Variants in HIP1R observed in about 807,000 individuals in gnomAD.
HIP1R encodes huntingtin-interacting protein 1-related protein.
A neutral mutation model predicts 144.2 loss-of-function variants in HIP1R; 135 were observed. The observed-to-expected ratio is 0.94, with a 90% CI of 0.81 to 1.08. The LOEUF (loss-of-function observed/expected upper bound fraction) is 1.08, where lower values mean the gene tolerates loss of function less well. Ranked by LOEUF, HIP1R falls within the 50% of genes least tolerant of loss-of-function variation. HIP1R has a pLI of 0.00. For missense variants in HIP1R, 1,462 were observed against 1,432.8 expected, an observed-to-expected ratio of 1.02 and a Z score of -0.33; for synonymous variants, 698 against 612.8, an observed-to-expected ratio of 1.14 and a Z score of -2.05.
At chr12:122,854,799 G>A (rs2033512436) in intron 8 of HIP1R, 106 bp from the exon 9 acceptor site, 3 of 1,240,684 alleles carry the variant, frequency 2.4e-6, no homozygotes, top group Non-Finnish European at 3.5e-6. Flanking sequence ...CCGGTCTCAG[G>A]TGATCTCTGA....
At chr12:122,856,887 C>T (rs1470394507) in intron 17 of HIP1R, 134 bp from the exon 18 acceptor site, 14 of 1,021,814 alleles carry the variant, frequency 1.4e-5, no homozygotes, top group Admixed American at 4.3e-5. Flanking sequence ...CAGGACCTAC[C>T]GCTGGTCCTC....
chr12:122,836,118 C>T lies in HIP1R; in HGVS notation c.93+475C>T, dbSNP rs995497150. 6.6e-6 allele frequency among the ~76,000 whole-genome samples: 1 copy of T among 152,106 alleles called. No homozygotes were observed. The highest frequency in any genetic ancestry group is 2.4e-5 in the African/African-American group (1 of 41,436). ...GCCGCTCCTTGCCGGCTCCTGCCCC[C>T]GTCTCCTACCCCCTGAAACCGATGC... On this transcript the variant is annotated intron_variant, in intron 1 of 31. Coordinates refer to ENST00000253083, the MANE Select transcript of HIP1R (RefSeq NM_003959.3). This position sits in a 1 kb window ranked among gnomAD's most constrained non-coding sequence, Gnocchi z 4.1.
intron 1 of HIP1R, among the ~76,000 whole-genome samples, chr12:122,844,196 T>G (rs1262974642): frequency 6.6e-6 from 1 of 152,146 alleles, no homozygotes; most frequent in Non-Finnish European, 1.5e-5. Flanking sequence ...TGCAGTGCAG[T>G]GGTGCTATCA....
chr12:122,835,356 G>A (rs1444574451), upstream of HIP1R: 1 of 1,013,238 alleles, frequency 9.9e-7, no homozygotes, highest in Non-Finnish European at 1.2e-6. Flanking sequence ...GCGTTTGCGG[G>A]CGCGGGGGGC....
At chr12:122,839,972 G>A (rs954634293) in intron 1 of HIP1R, among the ~76,000 whole-genome samples, 1 of 152,322 alleles carries the variant, frequency 6.6e-6, no homozygotes. Flanking sequence ...CAACATTTAC[G>A]TGTATAGGAG....
At chr12:122,844,676 G>A (rs1181236504) in intron 1 of HIP1R, among the ~76,000 whole-genome samples, 1 of 152,242 alleles carries the variant, frequency 6.6e-6, no homozygotes, top group Admixed American at 6.5e-5. Flanking sequence ...TGGGTGCTGA[G>A]TAGCGGACAG....
intron 23 of HIP1R, 41 bp downstream of exon 23, chr12:122,859,577 C>T (rs868350514): frequency 6.6e-7 from 1 of 1,525,086 alleles, no homozygotes; most frequent in Non-Finnish European, 9.0e-7. Context: ...TCCTGTGGAG[C>T]TTTGGGGGCC....
chr12:122,835,149 G>A (rs1298566170), upstream of HIP1R: 2 of 570,456 alleles, frequency 3.5e-6, no homozygotes, highest in African/African-American at 2.2e-5. Flanking sequence ...GAGGAGCTGG[G>A]GGGGCGTTTG....
intron 1 of HIP1R, among the ~76,000 whole-genome samples, chr12:122,847,224 G>A (rs1281632413): frequency 6.6e-6 from 1 of 151,644 alleles, no homozygotes; most frequent in African/African-American, 2.4e-5. Flanking sequence ...GGGTTGTAGT[G>A]ATGGTACCGC....
At chr12:122,846,106 C>T (rs958351448) in intron 1 of HIP1R, among the ~76,000 whole-genome samples, 1 of 152,226 alleles carries the variant, frequency 6.6e-6, no homozygotes, top group Non-Finnish European at 1.5e-5. Context: ...TGGGGTTACA[C>T]ACCCCGGAGA....
intron 1 of HIP1R, 115 bp from the exon 2 acceptor site, chr12:122,847,916 C>T: frequency 1.1e-6 from 1 of 887,636 alleles, no homozygotes; most frequent in Non-Finnish European, 1.7e-6. Context: ...CCCATCGCTC[C>T]ACTGGCCTTG....
intron 20 of HIP1R, among the ~76,000 whole-genome samples, 193 bp from the exon 21 acceptor site, chr12:122,858,645 C>T (rs1307704459): frequency 2.0e-5 from 3 of 152,214 alleles, no homozygotes; most frequent in East Asian, 1.9e-4. Flanking sequence ...CATATGTCTG[C>T]AGGTGGCAGA....
intron 22 of HIP1R, 111 bp from the exon 23 acceptor site, chr12:122,859,315 G>A: frequency 6.8e-7 from 1 of 1,470,590 alleles, no homozygotes; most frequent in East Asian, 2.3e-5. Flanking sequence ...AGGACACAGG[G>A]TGGGGACCAT....
chr12:122,835,722 A>C (rs2135620822), intron 1 of HIP1R, 79 bp downstream of exon 1: 52 of 777,684 alleles, frequency 6.7e-5, no homozygotes, highest in South Asian at 1.2e-4. Flanking sequence ...TCACGCGCGA[A>C]CGGCTGGGGC....
intron 1 of HIP1R, among the ~76,000 whole-genome samples, chr12:122,843,534 T>C (rs1406578782): frequency 6.6e-5 from 10 of 152,210 alleles, no homozygotes; most frequent in Non-Finnish European, 1.5e-4. Flanking sequence ...CCAGCTATCC[T>C]GAGTGTATCT....
chr12:122,837,679 G>C (rs952482254), intron 1 of HIP1R, among the ~76,000 whole-genome samples: 2 of 152,234 alleles, frequency 1.3e-5, no homozygotes, highest in Non-Finnish European at 2.9e-5. Flanking sequence ...CACTAACAAT[G>C]AATAACTTTG....
chr12:122,847,338 G>A (rs908365512), intron 1 of HIP1R, among the ~76,000 whole-genome samples: 18 of 152,206 alleles, frequency 1.2e-4, no homozygotes, highest in Non-Finnish European at 5.9e-5. Flanking sequence ...TAGGTGGAGC[G>A]GGAGGGATGC....
intron 26 of HIP1R, 102 bp from the exon 27 acceptor site, chr12:122,860,321 C>T (rs565435199): frequency 1.0e-5 from 16 of 1,535,910 alleles, no homozygotes; most frequent in South Asian, 7.0e-5. Flanking sequence ...CTCAGGGATG[C>T]GCCCTATGGC....
At position 122,856,020 on chromosome 12, in the gene HIP1R, C is replaced by T; in HGVS notation, c.1169C>T (p.Ala390Val). The change falls in exon 14 of 32, where the codon GCA becomes GTA. Residue 390 changes from alanine to valine, a missense_variant. By Grantham distance (64) the Ala-to-Val change is moderately conservative. Coordinates refer to ENST00000253083, the MANE Select transcript of HIP1R (RefSeq NM_003959.3). ...YIAQLKSQVN[A>V]LEGELEEQRK... ...GCGCAGCTGAAGAGCCAGGTGAATG[C>T]ACTGGAGGGTGAGCTGGAGGAGCAG... 16 of 1,596,524 alleles carry T rather than the reference C, an allele frequency of 1.0e-5. No homozygotes were observed. The highest frequency in any genetic ancestry group is 4.0e-5 in the African/African-American group (3 of 74,764).
Sources: gnomAD v4.1 joint callset for allele counts (sites outside exome capture counted in the v4.1 genomes callset) on GRCh38, gnomAD v4.1.1 for gene constraint, Gnocchi (gnomAD v3.1) non-coding constraint, MANE v1.5 for transcripts, NCBI Gene and HGNC (gene_info 2026-07-23, HGNC 2026-07-21) for gene names.